The following MARCHF1 variants were observed in gnomAD, a reference collection of about 807,000 sequenced individuals.
MARCHF1 encodes the protein E3 ubiquitin-protein ligase MARCHF1.
In MARCHF1, 40 loss-of-function variants were observed where a neutral mutation model predicts 54.2. The ratio of observed to expected loss-of-function variants is 0.74; its 90% CI spans 0.57 to 0.96. MARCHF1 has a LOEUF of 0.96. MARCHF1 is among the 40% of genes least tolerant of loss of function. The probability of loss-of-function intolerance (pLI) is 0.00; values close to 1 mark genes in which losing one functional copy is unlikely to be tolerated. For missense variants in MARCHF1, 586 were observed against 656.5 expected, an observed-to-expected ratio of 0.89 and a Z score of 1.17; for synonymous variants, 236 against 236.3, an observed-to-expected ratio of 1.00 and a Z score of 0.01.
At chr4:163,555,163 C>G (rs1036927091) in intron 8 of MARCHF1, among the ~76,000 whole-genome samples, 1 of 152,112 alleles carries the variant, frequency 6.6e-6, no homozygotes, top group African/African-American at 2.4e-5. Flanking sequence ...GGGATTTAGG[C>G]ACATTTGCAG....
intron 3 of MARCHF1, chr4:163,932,399 G>T: frequency 1.4e-5 from 5 of 362,852 alleles, no homozygotes. Context: ...TTCAAACCCT[G>T]CTGCTGCTTT....
Position 164,072,951 on chromosome 4 carries a change from T to C in MARCHF1, c.-248+38637A>G, listed in dbSNP as rs373605928. Among the ~76,000 whole-genome samples the C allele has an allele frequency of 1.2e-4, 19 of 152,300 alleles. No individual in the cohort carries two copies. In the East Asian group the frequency reaches 1.4e-3, roughly 11 times the overall value. ...TTAGTAGTAGTGATATCAAGCGCAA[T>C]ACAATTTCAGAGGAGAGAGCCTCAC... On this transcript the variant is annotated intron_variant, in intron 2 of 9. Transcript: ENST00000514618.
At chr4:164,063,197 GT>G (rs1754658023) in intron 2 of MARCHF1, among the ~76,000 whole-genome samples, 1 of 152,164 alleles carries the variant, frequency 6.6e-6, no homozygotes, top group Admixed American at 6.5e-5. Context: ...TCAATTTAAA[GT>G]CACCAGCTGC....
chr4:163,713,147 A>G (rs1027676420), intron 4 of MARCHF1, among the ~76,000 whole-genome samples: 5 of 152,168 alleles, frequency 3.3e-5, no homozygotes, highest in African/African-American at 1.2e-4. Context: ...TAAGAATTTT[A>G]GAATTCTTGT....
intron 3 of MARCHF1, among the ~76,000 whole-genome samples, 198 bp from the exon 4 acceptor site, chr4:163,854,367 T>A (rs1413794246): frequency 6.6e-6 from 1 of 151,946 alleles, no homozygotes; most frequent in East Asian, 1.9e-4. Flanking sequence ...ATAGAAAGAG[T>A]ATACATCTTT....
At chr4:163,975,182 TCTCTCTCTCTCTCTCACACACA>T (rs1752625426) in intron 3 of MARCHF1, among the ~76,000 whole-genome samples, 1 of 139,302 alleles carries the variant, frequency 7.2e-6, no homozygotes, top group African/African-American at 3.1e-5. Flanking sequence ...TCTCTCTCTC[TCTCTCTCTCTCTCTCACACACA>T]CACACACACA....
intron 2 of MARCHF1, among the ~76,000 whole-genome samples, chr4:164,012,994 G>T (rs566028142): frequency 6.6e-6 from 1 of 152,106 alleles, no homozygotes; most frequent in African/African-American, 2.4e-5. Context: ...ATCAGTGAAT[G>T]CCCTCAAGCA....
intron 1 of MARCHF1, among the ~76,000 whole-genome samples, chr4:164,296,747 T>C (rs1734421797): frequency 6.6e-6 from 1 of 152,192 alleles, no homozygotes; most frequent in African/African-American, 2.4e-5. Flanking sequence ...ACCTTATATA[T>C]GAATGCACAT....
chr4:164,195,776 C>T (rs1457115045), intron 1 of MARCHF1, among the ~76,000 whole-genome samples: 1 of 152,174 alleles, frequency 6.6e-6, no homozygotes, highest in Non-Finnish European at 1.5e-5. Context: ...TTAGAGTTTA[C>T]TCTTACTGGG....
intron 5 of MARCHF1, among the ~76,000 whole-genome samples, chr4:163,638,179 A>T (rs1332553653): frequency 6.6e-6 from 1 of 151,244 alleles, no homozygotes; most frequent in Non-Finnish European, 1.5e-5. Context: ...CCAGCATGGC[A>T]CATGTATACG....
chr4:163,591,208 C>T (rs529747699), intron 7 of MARCHF1, among the ~76,000 whole-genome samples: 5 of 151,976 alleles, frequency 3.3e-5, no homozygotes, highest in South Asian at 2.1e-4. Flanking sequence ...ATGATTATTT[C>T]CTGAGTGTAT....
At chr4:163,905,788 A>T (rs758771020) in intron 3 of MARCHF1, among the ~76,000 whole-genome samples, 5 of 152,012 alleles carry the variant, frequency 3.3e-5, no homozygotes, top group Non-Finnish European at 7.4e-5. Context: ...CCATATTCCA[A>T]TTCTTCTTCA....
chr4:163,725,995 T>G (rs1433432332), intron 4 of MARCHF1, among the ~76,000 whole-genome samples: 3 of 150,170 alleles, frequency 2.0e-5, no homozygotes, highest in African/African-American at 7.3e-5. Flanking sequence ...ACCATTTTTT[T>G]CTTTTTAGTC....
intron 4 of MARCHF1, among the ~76,000 whole-genome samples, chr4:163,817,332 C>T (rs939987477): frequency 6.6e-6 from 1 of 151,666 alleles, no homozygotes; most frequent in African/African-American, 2.4e-5. Flanking sequence ...TACACATATA[C>T]ATATATATGT....
Position 163,708,108 on chromosome 4 carries a change from G to A in MARCHF1, c.112-7245C>T, listed in dbSNP as rs1173812555. Among the ~76,000 whole-genome samples, 3 of 151,518 alleles carry A rather than the reference G, an allele frequency of 2.0e-5. No individual in the cohort carries two copies. In the East Asian group the frequency reaches 5.8e-4, roughly 29 times the overall value. ...GAGTTAGTTGCAATCCCCCCCTGTA[G>A]CAGCAGCTGGCATCTAGATACAAGG... is the stretch of plus-strand genomic sequence containing the variant. On this transcript the variant is annotated intron_variant, in intron 4 of 9. Coordinates refer to ENST00000514618, the MANE Select transcript of MARCHF1 (RefSeq NM_001394959.1).
intron 3 of MARCHF1, among the ~76,000 whole-genome samples, chr4:163,890,964 G>A (rs1750649033): frequency 6.6e-6 from 1 of 151,918 alleles, no homozygotes; most frequent in Admixed American, 6.6e-5. Flanking sequence ...AATTGTGCCA[G>A]GATAGTCGGA....
At chr4:163,866,189 T>G (rs538785820) in intron 3 of MARCHF1, among the ~76,000 whole-genome samples, 27 of 151,662 alleles carry the variant, frequency 1.8e-4, no homozygotes, top group Admixed American at 5.3e-4. Context: ...CTGAACATCA[T>G]TAGCCATTGG....
At chr4:163,937,295 C>T (rs761396460) in intron 3 of MARCHF1, among the ~76,000 whole-genome samples, 6 of 151,898 alleles carry the variant, frequency 4.0e-5, no homozygotes, top group African/African-American at 1.5e-4. Context: ...CTCACATACC[C>T]AAATATATGA....
At chr4:164,205,013 G>A (rs748679709) in intron 1 of MARCHF1, among the ~76,000 whole-genome samples, 6 of 152,128 alleles carry the variant, frequency 3.9e-5, no homozygotes, top group Non-Finnish European at 5.9e-5. Flanking sequence ...TCCAAATGCA[G>A]TGAACATTTT....
Sources: gnomAD v4.1 joint callset for allele counts (sites outside exome capture counted in the v4.1 genomes callset) on GRCh38, gnomAD v4.1.1 for gene constraint, MANE v1.5 for transcripts, NCBI Gene and HGNC (gene_info 2026-07-23, HGNC 2026-07-21) for gene names.